GNAO1: variants seen among roughly 807,000 people sequenced by gnomAD.
The protein encoded by GNAO1 is G protein subunit alpha o1.
For missense variants in GNAO1, 166 were observed against 478.7 expected (o/e 0.35, Z 6.10); for synonymous variants, 164 against 180.7 (o/e 0.91, Z 0.74).
intron 3 of GNAO1, among the ~76,000 whole-genome samples, chr16:56,312,787 GC>G (rs2037473344): frequency 6.6e-6 from 1 of 152,204 alleles, no homozygotes; most frequent in Non-Finnish European, 1.5e-5. Flanking sequence ...TGGGGCACGT[GC>G]CACCGCTCTG....
At chr16:56,197,229 G>A (rs764785432) in intron 2 of GNAO1, among the ~76,000 whole-genome samples, 1 of 152,220 alleles carries the variant, frequency 6.6e-6, no homozygotes, top group East Asian at 1.9e-4. Context: ...CGCACGTTGG[G>A]TTAGTATTCT....
intron 4 of GNAO1, among the ~76,000 whole-genome samples, chr16:56,329,400 G>A (rs80077720): frequency 2.3e-3 from 346 of 152,308 alleles, no homozygotes; most frequent in African/African-American, 7.6e-3. Context: ...AAGAGAAGAC[G>A]GAGAGGTGGG....
intron 3 of GNAO1, among the ~76,000 whole-genome samples, chr16:56,280,501 G>A (rs541731972): frequency 9.9e-5 from 15 of 152,238 alleles, no homozygotes; most frequent in East Asian, 5.8e-4. Context: ...GTAGGCAGCC[G>A]TGGAGAGATT....
At chr16:56,295,976 C>T (rs2037284420) in intron 3 of GNAO1, among the ~76,000 whole-genome samples, 1 of 152,242 alleles carries the variant, frequency 6.6e-6, no homozygotes, top group South Asian at 2.1e-4. Flanking sequence ...CCTTCCAGAG[C>T]CTCTATTAGG....
chr16:56,202,571 C>A (rs1179012993), intron 2 of GNAO1, among the ~76,000 whole-genome samples: 2 of 152,176 alleles, frequency 1.3e-5, no homozygotes, highest in Non-Finnish European at 2.9e-5. Flanking sequence ...GGAACACAAC[C>A]CCTTAGGGGA....
chr16:56,240,645 A>G (rs1293190671), intron 2 of GNAO1, among the ~76,000 whole-genome samples: 2 of 152,036 alleles, frequency 1.3e-5, no homozygotes, highest in African/African-American at 2.4e-5. Context: ...CCTCCATGTA[A>G]TGCCTACACA....
intron 6 of GNAO1, among the ~76,000 whole-genome samples, chr16:56,342,177 A>G (rs929332882): frequency 6.6e-6 from 1 of 152,264 alleles, no homozygotes; most frequent in East Asian, 1.9e-4. Context: ...GGGGCAGTGG[A>G]AACAGGTGGG....
At chr16:56,323,835 G>A (rs1339551918) in intron 3 of GNAO1, among the ~76,000 whole-genome samples, 1 of 152,184 alleles carries the variant, frequency 6.6e-6, no homozygotes, top group Admixed American at 6.5e-5. Context: ...GCCCATGGGA[G>A]GGAACCATGG....
At chr16:56,277,086 G>C (rs190569291) in intron 3 of GNAO1, 1 of 152,340 alleles carries the variant, frequency 6.6e-6, no homozygotes, top group Admixed American at 6.5e-5. Flanking sequence ...TGTAAAATTT[G>C]ATATGTAATG....
intron 6 of GNAO1, chr16:56,346,459 G>C (rs1596879274): frequency 1.0e-6 from 1 of 985,202 alleles, no homozygotes; most frequent in South Asian, 4.7e-5. Context: ...TGAAAATTGT[G>C]CCTGCCACTT....
At chr16:56,237,087 G>C (rs554182469) in intron 2 of GNAO1, among the ~76,000 whole-genome samples, 1 of 152,160 alleles carries the variant, frequency 6.6e-6, no homozygotes, top group Non-Finnish European at 1.5e-5. Flanking sequence ...TTAGCACATT[G>C]CTTAGCACAA....
chr16:56,348,026 G>A lies in GNAO1; in HGVS notation c.724-3358G>A, dbSNP rs1274530231. The A allele has an allele frequency of 1.4e-5, 14 of 980,986 alleles. 1 individual carries two copies. Among genetic ancestry groups the A allele is most frequent in the Non-Finnish European group, 2.4e-6 (2 of 826,196 alleles). 60.8% of individuals were successfully genotyped at this position (980,986 alleles called of 1,614,324 possible). ...TCCTTAGAAAAGCCGTCTCTCTCGA[G>A]TGCAGTGGTCCCACCTCCCAACCCC... is the stretch of plus-strand genomic sequence containing the variant. On this transcript the variant is annotated intron_variant, in intron 6 of 8. Transcript: ENST00000262493.
Position 56,253,153 on chromosome 16 carries a change from C to G in GNAO1, c.162-22778C>G, listed in dbSNP as rs548475120. 7.2e-5 allele frequency among the ~76,000 whole-genome samples: 11 copies of G among 152,336 alleles called. No homozygotes were observed. The South Asian group carries it at 2.1e-3, about 29-fold the overall frequency. On this transcript the variant is annotated intron_variant, in intron 2 of 8. Transcript: ENST00000262493. ...TGGTCCTGGGCCCCCTCTTGCCTGG[C>G]CCAGGTTCCAGTCAGCTCTGCCTAA... is the stretch of plus-strand genomic sequence containing the variant.
rs933550916 is a variant in GNAO1 at position 56,315,555 on chromosome 16, T to C, written c.304-13076T>C. On this transcript the variant is annotated intron_variant, in intron 3 of 8. Transcript: ENST00000262493. ...ATCCAGGAGAGATACCCAGGAGGTG[T>C]AGAACAGGGGTCTGGACCCACTGAG... is the stretch of plus-strand genomic sequence containing the variant. Among the ~76,000 whole-genome samples, 3 of 151,930 alleles carry C rather than the reference T, an allele frequency of 2.0e-5. No individual in the cohort carries two copies. In the East Asian group the frequency reaches 5.8e-4, roughly 29 times the overall value.
intron 2 of GNAO1, among the ~76,000 whole-genome samples, chr16:56,218,808 A>G (rs865982920): frequency 6.6e-6 from 1 of 152,048 alleles, no homozygotes; most frequent in Non-Finnish European, 1.5e-5. Context: ...TGCTTGGCCA[A>G]AGGCTACTCA....
intron 3 of GNAO1, among the ~76,000 whole-genome samples, chr16:56,297,897 G>A (rs2037303711): frequency 6.6e-6 from 1 of 152,210 alleles, no homozygotes; most frequent in Non-Finnish European, 1.5e-5. Context: ...GAGTGGGAGT[G>A]CTGGCTCACG....
intron 2 of GNAO1, among the ~76,000 whole-genome samples, chr16:56,260,723 G>A (rs1046332391): frequency 1.4e-5 from 2 of 142,544 alleles, no homozygotes; most frequent in African/African-American, 5.2e-5. Context: ...GGCATGACCC[G>A]CTATCATGGT....
chr16:56,331,979 G>A (rs9941025), intron 4 of GNAO1, among the ~76,000 whole-genome samples: 2,067 of 152,002 alleles, frequency 0.014, 45 homozygotes, highest in African/African-American at 0.047. Context: ...ACTTCTGCTC[G>A]TCCTCCTGTA....
Position 56,223,480 on chromosome 16 carries a change from C to G in GNAO1, c.161+30864C>G, listed in dbSNP as rs1478474. ...ATTAGATTGGACCTACCCGGATAAT[C>G]CAGGATAATCTCCACATCTCATAAC... On this transcript the variant is annotated intron_variant, in intron 2 of 8. Transcript: ENST00000262493. 5.5e-3 allele frequency among the ~76,000 whole-genome samples: 842 copies of G among 152,324 alleles called. 3 individuals are homozygous for G. The highest frequency in any genetic ancestry group is 8.6e-3 in the Non-Finnish European group (586 of 68,034).
Sources: allele counts gnomAD v4.1 joint callset (sites outside exome capture counted in the v4.1 genomes callset), GRCh38; gene constraint gnomAD v4.1.1; transcripts MANE v1.5; gene names NCBI Gene and HGNC (gene_info 2026-07-23, HGNC 2026-07-21).